The following NRG2 variants were observed in gnomAD, a reference collection of about 807,000 sequenced individuals.
NRG2 encodes pro-neuregulin-2, membrane-bound isoform.
Under a neutral mutation model 73.9 loss-of-function variants are expected in NRG2, and 27 were observed. That is an observed-to-expected ratio of 0.37 (90% CI 0.27 to 0.50). The LOEUF (loss-of-function observed/expected upper bound fraction) is 0.50. Ranked by LOEUF, NRG2 falls within the 20% of genes least tolerant of loss-of-function variation. The pLI is 0.96. For missense variants in NRG2, 1,126 were observed against 1,210.1 expected, an observed-to-expected ratio of 0.93 and a Z score of 1.03; for synonymous variants, 532 against 541.0, an observed-to-expected ratio of 0.98 and a Z score of 0.23.
At chr5:139,991,926 T>C (rs1474928846) in intron 1 of NRG2, among the ~76,000 whole-genome samples, 1 of 152,212 alleles carries the variant, frequency 6.6e-6, no homozygotes, top group East Asian at 1.9e-4. Context: ...TTTTTCCTTG[T>C]GCCAAAACCA....
intron 9 of NRG2, 52 bp from the exon 10 acceptor site, chr5:139,848,749 G>A (rs1287078257): frequency 1.9e-5 from 21 of 1,101,172 alleles, no homozygotes; most frequent in Non-Finnish European, 2.5e-5. Context: ...CCGGCGCGGG[G>A]GAGGGGGGGT....
rs1042719790 is a variant in NRG2 at position 139,853,118 on chromosome 5, C to T, written c.1293-91G>A. ...TATCTCTCTAGGGAAACAGCTTTTC[C>T]TCCTGCCCAGGGTGGCCATGGCTAC... On this transcript the variant is annotated intron_variant, in intron 6 of 9. Coordinates refer to ENST00000361474, the MANE Select transcript of NRG2 (RefSeq NM_004883.3). The surrounding 1 kb of genome is among the most constrained non-coding windows in gnomAD (Gnocchi z 4.1). The T allele has an allele frequency of 1.3e-5, 21 of 1,563,004 alleles. No individual in the cohort carries two copies. The highest frequency in any genetic ancestry group is 1.8e-5 in the Admixed American group (1 of 54,164).
rs80194687 is a variant in NRG2, at chr5:139,920,341, T to C, written c.701-32830A>G. On this transcript the variant is annotated intron_variant, in intron 1 of 9. Transcript: ENST00000361474. ...ACAGAGATAAGTGTTTATTATTACT[T>C]TCACCTTTGCAGTATGTCGCCCAAA... Among the ~76,000 whole-genome samples the C allele has an allele frequency of 6.8e-4, 104 of 152,336 alleles. 2 individuals carry two copies. The East Asian group carries it at 8.1e-3, about 12-fold the overall frequency.
At chr5:140,037,302 C>A (rs1480981089) in intron 1 of NRG2, among the ~76,000 whole-genome samples, 1 of 152,196 alleles carries the variant, frequency 6.6e-6, no homozygotes, top group Non-Finnish European at 1.5e-5. Context: ...CAGTGATAAA[C>A]CTTTGGATCT....
At chr5:139,890,706 C>G (rs1472633051) in intron 1 of NRG2, among the ~76,000 whole-genome samples, 2 of 152,132 alleles carry the variant, frequency 1.3e-5, no homozygotes, top group Non-Finnish European at 2.9e-5. Context: ...AGTCAGGTAC[C>G]TGGGACATAT....
At chr5:140,013,625 C>T (rs1759540655) in intron 1 of NRG2, among the ~76,000 whole-genome samples, 2 of 152,168 alleles carry the variant, frequency 1.3e-5, no homozygotes, top group South Asian at 4.1e-4. Context: ...CTTTGTTCAC[C>T]TTTGTAGCAA....
At chr5:140,037,733 A>C (rs1237879130) in intron 1 of NRG2, among the ~76,000 whole-genome samples, 1 of 151,292 alleles carries the variant, frequency 6.6e-6, no homozygotes, top group Non-Finnish European at 1.5e-5. Flanking sequence ...GATGGTGAAA[A>C]CCCGTCTCTA....
chr5:139,952,192 T>C (rs542972582), intron 1 of NRG2, among the ~76,000 whole-genome samples: 36 of 152,226 alleles, frequency 2.4e-4, no homozygotes, highest in Non-Finnish European at 2.1e-4. Flanking sequence ...ACCCAATAAA[T>C]GCAGTTTCCT....
intron 5 of NRG2, among the ~76,000 whole-genome samples, chr5:139,858,568 G>T (rs1761950590): frequency 6.6e-6 from 1 of 152,194 alleles, no homozygotes; most frequent in Non-Finnish European, 1.5e-5. Context: ...TTCCATAGAT[G>T]TTTGTTGCAT....
intron 1 of NRG2, among the ~76,000 whole-genome samples, chr5:140,038,356 C>G (rs1761664795): frequency 6.6e-6 from 1 of 151,598 alleles, no homozygotes; most frequent in Admixed American, 6.6e-5. Flanking sequence ...AATCTACCTT[C>G]CAAAAGAAAA....
chr5:139,890,968 C>T (rs912228793), intron 1 of NRG2, among the ~76,000 whole-genome samples: 1 of 152,226 alleles, frequency 6.6e-6, no homozygotes, highest in African/African-American at 2.4e-5. Flanking sequence ...CTAGTCCCTT[C>T]TCCTTTCTTA....
rs183522996 is a variant in NRG2, at chr5:139,856,758, T to C, written c.1190-980A>G. Among the ~76,000 whole-genome samples the C allele has an allele frequency of 1.8e-4, 28 of 152,318 alleles. 2 individuals carry two copies. Among genetic ancestry groups the C allele is most frequent in the Non-Finnish European group, 3.5e-4 (24 of 68,020 alleles). On this transcript the variant is annotated intron_variant, in intron 5 of 9. Coordinates refer to ENST00000361474, the MANE Select transcript of NRG2 (RefSeq NM_004883.3). The surrounding 1 kb of genome is among the most constrained non-coding windows in gnomAD (Gnocchi z 4.2). ...ACACACAGAGATTTCTAACTATGCC[T>C]ATCTGATTCACAGGCAGACCCCTTC...
At position 139,861,620 on chromosome 5, in the gene NRG2, C is replaced by T. The variant is rs915221123; in HGVS notation, c.1189+3929G>A. The T allele has an allele frequency of 3.3e-5, 15 of 447,774 alleles. No homozygotes were observed. The East Asian group carries it at 3.5e-4, about 10-fold the overall frequency. The allele number at this position is 447,774 out of a possible 1,614,324, so 27.7% of individuals were successfully genotyped here. On this transcript the variant is annotated intron_variant, in intron 5 of 9. Coordinates refer to ENST00000361474, the MANE Select transcript of NRG2 (RefSeq NM_004883.3). ...ATCCCAGGTTGGGGAGTGACCTTGA[C>T]GTTTTGGTTTCTTTGCATTCCCACT... is the stretch of plus-strand genomic sequence containing the variant.
intron 1 of NRG2, among the ~76,000 whole-genome samples, chr5:139,959,638 A>T (rs1210313890): frequency 6.6e-6 from 1 of 150,968 alleles, no homozygotes; most frequent in Non-Finnish European, 1.5e-5. Context: ...GGCCTCCCAA[A>T]GTGCTGGGAT....
At chr5:139,963,345 T>C (rs1755227708) in intron 1 of NRG2, among the ~76,000 whole-genome samples, 1 of 152,198 alleles carries the variant, frequency 6.6e-6, no homozygotes, top group African/African-American at 2.4e-5. Context: ...CACACTCACA[T>C]ACACATGTAT....
intron 1 of NRG2, among the ~76,000 whole-genome samples, chr5:139,942,749 C>A (rs185479238): frequency 6.6e-6 from 1 of 152,188 alleles, no homozygotes; most frequent in Non-Finnish European, 1.5e-5. Flanking sequence ...TTTCTCTGTA[C>A]ACAGTTTAAT....
At chr5:140,000,051 T>G (rs1758316418) in intron 1 of NRG2, among the ~76,000 whole-genome samples, 1 of 152,190 alleles carries the variant, frequency 6.6e-6, no homozygotes, top group African/African-American at 2.4e-5. Flanking sequence ...CTTAGGTTTT[T>G]AATTATAAAA....
intron 1 of NRG2, among the ~76,000 whole-genome samples, chr5:139,970,536 C>T (rs921233290): frequency 6.6e-6 from 1 of 152,140 alleles, no homozygotes; most frequent in African/African-American, 2.4e-5. Context: ...GCACTCTGAC[C>T]CTCTGTGTCC....
chr5:140,027,736 G>A (rs557502156), intron 1 of NRG2, among the ~76,000 whole-genome samples: 4 of 152,250 alleles, frequency 2.6e-5, no homozygotes, highest in African/African-American at 9.6e-5. Context: ...CTGTGGTTTC[G>A]CACATCCACT....
Sources: allele counts gnomAD v4.1 joint callset (sites outside exome capture counted in the v4.1 genomes callset), GRCh38; gene constraint gnomAD v4.1.1; non-coding constraint Gnocchi (gnomAD v3.1); transcripts MANE v1.5; gene names NCBI Gene and HGNC (gene_info 2026-07-23, HGNC 2026-07-21).